NFKB1: variants seen among roughly 807,000 people sequenced by gnomAD.
NFKB1 encodes the protein nuclear factor NF-kappa-B p105 subunit.
A neutral mutation model predicts 105.1 loss-of-function variants in NFKB1; 9 were observed. The observed-to-expected ratio is 0.09, with a 90% CI of 0.05 to 0.15. The LOEUF is 0.15. Among genes scored for constraint, NFKB1 ranks in the 10% least tolerant of loss-of-function variants. The pLI, the probability that NFKB1 is intolerant of heterozygous loss-of-function variation, is 1.00. For synonymous variants in NFKB1, 440 were observed against 442.2 expected (o/e 1.00, Z 0.06); for missense variants, 830 against 1,203.7 (o/e 0.69, Z 4.59).
Position 102,578,945 on chromosome 4 carries a change from G to T in NFKB1, c.636G>T (p.Val212=). 6.2e-7 allele frequency: 1 copy of T among 1,614,116 alleles called. No homozygotes were observed. The highest frequency in any genetic ancestry group is 1.1e-5 in the South Asian group (1 of 91,084). Residue 212 remains valine, a synonymous_variant, in exon 8 of 24, where the codon GTG becomes GTT. Transcript: ENST00000226574. Reference sequence around the variant, plus strand: ...AGACCAAGGAGATGGACCTCAGCGTGGTGCGGCTCATGTTTACAGCTTTTC... The same window carrying T: ...AGACCAAGGAGATGGACCTCAGCGTTGTGCGGCTCATGTTTACAGCTTTTC... ...LQQTKEMDLS[V]VRLMFTAFLP... is the part of the protein sequence containing the mutation.
At chr4:102,587,873 G>A (rs4648046) in intron 11 of NFKB1, among the ~76,000 whole-genome samples, 2,809 of 152,186 alleles carry the variant, frequency 0.018, 48 homozygotes, top group Middle Eastern at 0.041. Flanking sequence ...AAAGTAGTAG[G>A]CCATTTAGCA....
chr4:102,613,471 T>TG lies in NFKB1; in HGVS notation c.2642dup (p.Tyr882LeufsTer6). 6.2e-7 allele frequency: 1 copy of TG among 1,613,868 alleles called. No homozygotes were observed. The highest frequency in any genetic ancestry group is 8.5e-7 in the Non-Finnish European group (1 of 1,179,976). On this transcript the variant is annotated frameshift_variant, in exon 23 of 24. Coordinates refer to ENST00000226574, the MANE Select transcript of NFKB1 (RefSeq NM_003998.4). LOFTEE classifies it high-confidence loss of function. ...GAGCTGGTGGAGGCCCTGAGACAAA[T>TG]GGGCTACACCGAAGCAATTGAAGTG... is the stretch of plus-strand genomic sequence containing the variant.
chr4:102,589,998 C>A (rs1290535013), intron 11 of NFKB1, among the ~76,000 whole-genome samples: 1 of 152,114 alleles, frequency 6.6e-6, no homozygotes, highest in Non-Finnish European at 1.5e-5. Flanking sequence ...GAAAAGCAAT[C>A]AGAAGTCTCA....
chr4:102,542,325 A>C (rs1342157026), intron 5 of NFKB1, among the ~76,000 whole-genome samples: 4 of 152,176 alleles, frequency 2.6e-5, no homozygotes, highest in African/African-American at 9.7e-5. Context: ...GAAAATTTCC[A>C]TTTAGCTTTC....
chr4:102,574,166 G>A (rs1461545317), intron 6 of NFKB1, among the ~76,000 whole-genome samples: 2 of 97,586 alleles, frequency 2.0e-5, no homozygotes, highest in African/African-American at 8.5e-5. Flanking sequence ...AAATACGTTT[G>A]AGGATTGGGA....
At chr4:102,572,764 A>G (rs1051284219) in intron 6 of NFKB1, among the ~76,000 whole-genome samples, 2 of 152,010 alleles carry the variant, frequency 1.3e-5, no homozygotes, top group Admixed American at 1.3e-4. Flanking sequence ...TAAAACAGTC[A>G]CTTATCTTTT....
chr4:102,502,823 T>C (rs564897314), intron 1 of NFKB1, among the ~76,000 whole-genome samples: 4 of 152,250 alleles, frequency 2.6e-5, no homozygotes, highest in African/African-American at 9.6e-5. Flanking sequence ...TTTATAAAGC[T>C]CATAATCTGA....
intron 5 of NFKB1, among the ~76,000 whole-genome samples, chr4:102,551,390 G>A (rs952191603): frequency 6.6e-6 from 1 of 152,078 alleles, no homozygotes; most frequent in Non-Finnish European, 1.5e-5. Context: ...GTGTGTGTGT[G>A]TGTGTGTTGA....
chr4:102,524,313 T>A (rs929744262), intron 1 of NFKB1, among the ~76,000 whole-genome samples: 1 of 152,196 alleles, frequency 6.6e-6, no homozygotes, highest in Admixed American at 6.5e-5. Flanking sequence ...TATTAATGTT[T>A]AGCTGGAGTT....
At chr4:102,553,293 T>C (rs1482818166) in intron 5 of NFKB1, among the ~76,000 whole-genome samples, 1 of 152,110 alleles carries the variant, frequency 6.6e-6, no homozygotes, top group Admixed American at 6.5e-5. Context: ...AAATAGATTT[T>C]CTAAGCAAGA....
intron 7 of NFKB1, 156 bp from the exon 8 acceptor site, chr4:102,578,725 G>C (rs1483243296): frequency 4.5e-6 from 3 of 672,756 alleles, no homozygotes; most frequent in African/African-American, 1.8e-5. Context: ...ACATAAATGA[G>C]ACTGTTTTTA....
At chr4:102,609,409 C>T (rs1299614959) in intron 19 of NFKB1, among the ~76,000 whole-genome samples, 1 of 151,734 alleles carries the variant, frequency 6.6e-6, no homozygotes, top group East Asian at 1.9e-4. Context: ...ACTGGCAGTT[C>T]GAGACTCACC....
In NFKB1 at chr4:102,617,118, AT is replaced by A. The variant is rs1245423434; in HGVS notation, c.*525del. On this transcript the variant is annotated 3_prime_UTR_variant, in exon 24 of 24. Transcript: ENST00000226574. ...ATTTGCAAAAAAAAAAAAAAAAAAAATACTTGTCAATATTTAAACATGGTTA... is the reference window on the plus strand; with the variant it reads ...ATTTGCAAAAAAAAAAAAAAAAAAAAACTTGTCAATATTTAAACATGGTTA... 1.1e-4 allele frequency: 16 copies of A among 151,668 alleles called. No individual in the cohort carries two copies. The highest frequency in any genetic ancestry group is 1.7e-4 in the African/African-American group (7 of 40,920). 9.4% of individuals were successfully genotyped at this position (151,668 alleles called of 1,614,324 possible).
intron 1 of NFKB1, among the ~76,000 whole-genome samples, chr4:102,524,957 T>C (rs1740811283): frequency 6.6e-6 from 1 of 152,176 alleles, no homozygotes; most frequent in Admixed American, 6.6e-5. Flanking sequence ...GCGTTATCCA[T>C]AGCCCAGGGT....
chr4:102,504,510 G>A (rs1480689309), intron 1 of NFKB1, among the ~76,000 whole-genome samples: 1 of 152,126 alleles, frequency 6.6e-6, no homozygotes, highest in African/African-American at 2.4e-5. Context: ...AGAAGAGAAG[G>A]AGAAGGAAAA....
intron 16 of NFKB1, among the ~76,000 whole-genome samples, chr4:102,605,236 G>A (rs1727603912): frequency 6.6e-6 from 1 of 152,090 alleles, no homozygotes; most frequent in South Asian, 2.1e-4. Context: ...TTTCAGGCCA[G>A]GTTGATAGTC....
chr4:102,578,672 C>T (rs1471044956), intron 7 of NFKB1: 5 of 517,490 alleles, frequency 9.7e-6, no homozygotes, highest in East Asian at 9.0e-5. Context: ...TACTGTAATC[C>T]GGAGAAAATG....
chr4:102,557,583 T>C (rs1322825884), intron 5 of NFKB1, among the ~76,000 whole-genome samples: 2 of 152,098 alleles, frequency 1.3e-5, no homozygotes, highest in African/African-American at 4.8e-5. Context: ...GCCCTCTCAT[T>C]TGAGGAATAA....
chr4:102,580,452 C>A, intron 8 of NFKB1, 83 bp from the exon 9 acceptor site: 1 of 1,071,680 alleles, frequency 9.3e-7, no homozygotes, highest in Non-Finnish European at 1.4e-6. Flanking sequence ...GTCATGTGTG[C>A]TAAGGGGAGG....
Sources: allele counts gnomAD v4.1 joint callset (sites outside exome capture counted in the v4.1 genomes callset), GRCh38; gene constraint gnomAD v4.1.1; transcripts MANE v1.5; gene names NCBI Gene and HGNC (gene_info 2026-07-23, HGNC 2026-07-21).